SIGLEC1: variants seen among roughly 807,000 people sequenced by gnomAD.
The protein encoded by SIGLEC1 is sialic acid binding Ig like lectin 1.
In SIGLEC1, 132 loss-of-function variants were observed where a neutral mutation model predicts 148.0. The observed-to-expected ratio is 0.89, with a 90% CI of 0.77 to 1.03. The LOEUF (loss-of-function observed/expected upper bound fraction) is 1.03. SIGLEC1 is among the 50% of genes least tolerant of loss of function. The probability of loss-of-function intolerance (pLI) is 0.00; values close to 1 mark genes in which losing one functional copy is unlikely to be tolerated. For missense variants in SIGLEC1, 2,253 were observed against 2,271.4 expected, an observed-to-expected ratio of 0.99 and a Z score of 0.16; for synonymous variants, 945 against 969.0, an observed-to-expected ratio of 0.98 and a Z score of 0.46.
rs752435842 is a variant in SIGLEC1 at position 3,692,535 on chromosome 20, G to A, written c.4016C>T (p.Ala1339Val). The A allele has an allele frequency of 1.9e-6, 3 of 1,596,432 alleles. No individual in the cohort carries two copies. The highest frequency in any genetic ancestry group is 2.2e-5 in the East Asian group (1 of 44,600). The change falls in exon 16 of 22, where the codon GCC becomes GTC. Residue 1339 changes from alanine (A) to valine (V), a missense_variant. Coordinates refer to ENST00000344754, the MANE Select transcript of SIGLEC1 (RefSeq NM_023068.4). ...CCTCTGCTCACAGAGGACTTGCAGG[G>A]CAGCAGGACGGGAGCTGCGGGTGCC... ...AQGTRSSRPAALQVLYAPQDA... is the reference protein window; with the variant it reads ...AQGTRSSRPAVLQVLYAPQDA...
At chr20:3,698,156 C>T (rs902252838) in intron 8 of SIGLEC1, 23 bp from the exon 9 acceptor site, 21 of 1,543,418 alleles carry the variant, frequency 1.4e-5, no homozygotes, top group Non-Finnish European at 1.8e-5. Context: ...AGAACATGGG[C>T]ACTCATCCCA....
chr20:3,699,299 G>A lies in SIGLEC1; in HGVS notation c.1689C>T (p.Pro563=), dbSNP rs780451428. Residue 563 remains proline (P), a synonymous_variant, in exon 8 of 22, where the codon CCC becomes CCT. Coordinates refer to ENST00000344754, the MANE Select transcript of SIGLEC1 (RefSeq NM_023068.4). The stretch of plus-strand genomic sequence containing the variant: ...AGCCGGCGTCAGTGCTGGAGGCCGC[G>A]GGGAGCAGGAGGCTGCTGCCGGGAC... ...HEGPGSSLLL[P]AASSTDAGSY... 126 of 1,608,506 alleles carry A rather than the reference G, an allele frequency of 7.8e-5. No homozygotes were observed. Among genetic ancestry groups the A allele is most frequent in the Admixed American group, 3.4e-4 (20 of 59,196 alleles).
intron 16 of SIGLEC1, 114 bp from the exon 17 acceptor site, chr20:3,692,316 G>A: frequency 8.1e-7 from 1 of 1,227,650 alleles, no homozygotes; most frequent in Admixed American, 2.8e-5. Context: ...CCACTTCCTA[G>A]AAGTGACACC....
intron 1 of SIGLEC1, 27 bp from the exon 2 acceptor site, chr20:3,707,264 C>A: frequency 1.4e-6 from 1 of 716,842 alleles, no homozygotes; most frequent in Non-Finnish European, 2.4e-6. Flanking sequence ...GTGTCCCCAC[C>A]TCCTCTGCTG....
At chr20:3,707,027 G>T in intron 2 of SIGLEC1, 53 bp downstream of exon 2, 2 of 1,565,326 alleles carry the variant, frequency 1.3e-6, no homozygotes, top group Non-Finnish European at 1.8e-6. Flanking sequence ...GCCAAGGGCT[G>T]GACTTATGAA....
intron 17 of SIGLEC1, 85 bp downstream of exon 17, chr20:3,691,818 C>T: frequency 6.8e-7 from 1 of 1,463,452 alleles, no homozygotes; most frequent in Non-Finnish European, 9.2e-7. Flanking sequence ...ACCAGACAGC[C>T]CGCTCTAGTG....
intron 3 of SIGLEC1, 119 bp from the exon 4 acceptor site, chr20:3,706,159 G>A (rs912136093): frequency 7.7e-7 from 1 of 1,295,308 alleles, no homozygotes; most frequent in Non-Finnish European, 1.1e-6. Context: ...AAGGAAAGAC[G>A]CTTTCTACTC....
intron 4 of SIGLEC1, among the ~76,000 whole-genome samples, chr20:3,704,482 A>C (rs1486492465): frequency 6.6e-6 from 1 of 152,224 alleles, no homozygotes; most frequent in Non-Finnish European, 1.5e-5. Context: ...CCAACTACCT[A>C]GTGGGAGGGG....
chr20:3,689,554 G>C (rs1600277888), intron 20 of SIGLEC1, 46 bp downstream of exon 20: 2 of 1,347,462 alleles, frequency 1.5e-6, no homozygotes, highest in African/African-American at 2.9e-5. Context: ...GACGAGGTGG[G>C]CTGCCTTACC....
chr20:3,704,261 C>A (rs2087876676), intron 4 of SIGLEC1, among the ~76,000 whole-genome samples, 170 bp from the exon 5 acceptor site: 2 of 152,210 alleles, frequency 1.3e-5, no homozygotes, highest in Admixed American at 1.3e-4. Flanking sequence ...ATGTCCGTCC[C>A]TTTCCCGCCC....
At chr20:3,705,514 C>G (rs1468773581) in intron 4 of SIGLEC1, among the ~76,000 whole-genome samples, 1 of 152,206 alleles carries the variant, frequency 6.6e-6, no homozygotes, top group Non-Finnish European at 1.5e-5. Context: ...CTCTGCCCAG[C>G]CTGGCCTCAA....
chr20:3,709,046 C>CAAAAA (rs375193019), intron 1 of SIGLEC1, among the ~76,000 whole-genome samples: 12 of 80,002 alleles, frequency 1.5e-4, no homozygotes, highest in African/African-American at 5.0e-4. Context: ...TCTTCTGTCT[C>CAAAAA]AAAAAAAAAA....
At chr20:3,695,611 G>A (rs1303067465) in intron 11 of SIGLEC1, among the ~76,000 whole-genome samples, 5 of 152,164 alleles carry the variant, frequency 3.3e-5, no homozygotes, top group Non-Finnish European at 7.4e-5. Flanking sequence ...TCATGCAACT[G>A]GGGAAAAGCT....
intron 20 of SIGLEC1, 118 bp from the exon 21 acceptor site, chr20:3,689,345 G>A (rs1375824612): frequency 2.2e-6 from 2 of 900,110 alleles, no homozygotes; most frequent in Non-Finnish European, 3.7e-6. Flanking sequence ...CTCATGGAGA[G>A]TGGGTGCTTC....
intron 1 of SIGLEC1, among the ~76,000 whole-genome samples, 100 bp downstream of exon 1, chr20:3,712,370 C>CG (rs879306338): frequency 5.3e-5 from 8 of 151,480 alleles, no homozygotes; most frequent in Non-Finnish European, 4.4e-5. Flanking sequence ...ATGGAGCCCC[C>CG]CCCCGACCCC....
intron 7 of SIGLEC1, among the ~76,000 whole-genome samples, chr20:3,700,245 G>A (rs888090159): frequency 6.8e-6 from 1 of 147,994 alleles, no homozygotes; most frequent in Non-Finnish European, 1.5e-5. Flanking sequence ...AGCCTCCCTA[G>A]TAGCTGGGAC....
Position 3,694,709 on chromosome 20 carries a change from G to C in SIGLEC1, c.2898C>G (p.Gly966=). ...GAYHCQAQAP[G]SATTSLAAPI... ...GTGCAGCTAGGCTCGTGGTGGCTGA[G>C]CCTGGGGCCTGGGCTTGGCAATGAT... is the stretch of plus-strand genomic sequence containing the variant. The change falls in exon 12 of 22, where the codon GGC becomes GGG. Residue 966 remains glycine, a synonymous_variant. Transcript: ENST00000344754. The C allele has an allele frequency of 1.9e-6, 3 of 1,613,876 alleles. No individual in the cohort carries two copies. Among genetic ancestry groups the C allele is most frequent in the African/African-American group, 1.3e-5 (1 of 75,048 alleles).
In SIGLEC1 at chr20:3,688,281, G is replaced by A. The variant is rs1055375356; in HGVS notation, c.*279C>T. On this transcript the variant is annotated 3_prime_UTR_variant, in exon 22 of 22. Transcript: ENST00000344754. ...TGTGAAAGGGCAGGGCTTCCTTTGA[G>A]GGAGAAATGGAGAGAAGGGAGGAGA... is the stretch of plus-strand genomic sequence containing the variant. The A allele has an allele frequency of 4.5e-6, 2 of 442,384 alleles. No individual in the cohort carries two copies. Among genetic ancestry groups the A allele is most frequent in the African/African-American group, 2.0e-5 (1 of 49,592 alleles). The allele number at this position is 442,384 out of a possible 1,614,324, so 27.4% of individuals were successfully genotyped here. A position where few individuals can be genotyped will look rare whatever the true frequency, so the allele number is the denominator to read the frequency against.
chr20:3,703,190 C>A lies in SIGLEC1; in HGVS notation c.1228+7G>T. 1 of 1,613,790 alleles carries A rather than the reference C, an allele frequency of 6.2e-7. No homozygotes were observed. Among genetic ancestry groups the A allele is most frequent in the Non-Finnish European group, 8.5e-7 (1 of 1,179,996 alleles). On this transcript the variant is annotated splice_region_variant and intron_variant, in intron 6 of 21. Coordinates refer to ENST00000344754, the MANE Select transcript of SIGLEC1 (RefSeq NM_023068.4). ...GTGTCCAGTGCCACCCCACCCTGGC[C>A]TCTTACGGTTGACTACCACGCTGAC...
Sources: gnomAD v4.1 joint callset for allele counts (sites outside exome capture counted in the v4.1 genomes callset) on GRCh38, gnomAD v4.1.1 for gene constraint, MANE v1.5 for transcripts, NCBI Gene and HGNC (gene_info 2026-07-23, HGNC 2026-07-21) for gene names.